The following SLC16A9 variants were observed in gnomAD, a reference collection of about 807,000 sequenced individuals.
The protein encoded by SLC16A9 is solute carrier family 16 member 9.
In SLC16A9, 26 loss-of-function variants were observed where a neutral mutation model predicts 44.3. That is an observed-to-expected ratio of 0.59 (90% CI 0.43 to 0.81). SLC16A9 has a LOEUF of 0.81. Among genes scored for constraint, SLC16A9 ranks in the 40% least tolerant of loss-of-function variants. SLC16A9 has a pLI of 0.00. For synonymous variants in SLC16A9, 230 were observed against 225.1 expected, an observed-to-expected ratio of 1.02 and a Z score of -0.19; for missense variants, 559 against 595.8, an observed-to-expected ratio of 0.94 and a Z score of 0.64.
At chr10:59,690,382 G>A (rs1441282321) in intron 1 of SLC16A9, among the ~76,000 whole-genome samples, 1 of 152,156 alleles carries the variant, frequency 6.6e-6, no homozygotes, top group Non-Finnish European at 1.5e-5. Flanking sequence ...GGAAAGGTAT[G>A]TGCAAAAGAG....
In SLC16A9 at chr10:59,654,378, T is replaced by A; in HGVS notation, c.648A>T (p.Glu216Asp). Residue 216 changes from glutamate (E) to aspartate (D), a missense_variant, in exon 5 of 6, where the codon GAA becomes GAT. Coordinates refer to ENST00000395348, the MANE Select transcript of SLC16A9 (RefSeq NM_194298.3). Reference sequence around the variant, plus strand: ...TGTTTTCTTCCAGATTCTTTCCTTTTTCATTGTAAATGGAGTATTTATCTG... The same window carrying A: ...TGTTTTCTTCCAGATTCTTTCCTTTATCATTGTAAATGGAGTATTTATCTG... ...DLPDKYSIYN[E>D]KGKNLEENIN... 1 of 1,613,936 alleles carries A rather than the reference T, an allele frequency of 6.2e-7. No individual in the cohort carries two copies. Among genetic ancestry groups the A allele is most frequent in the South Asian group, 1.1e-5 (1 of 91,076 alleles).
At chr10:59,663,057 A>G (rs1397111699) in intron 4 of SLC16A9, among the ~76,000 whole-genome samples, 1 of 152,180 alleles carries the variant, frequency 6.6e-6, no homozygotes, top group Non-Finnish European at 1.5e-5. Flanking sequence ...TAGACTGGAT[A>G]AAGAAAATGT....
chr10:59,698,733 T>TC (rs1491496729), intron 1 of SLC16A9, among the ~76,000 whole-genome samples: 1 of 143,362 alleles, frequency 7.0e-6, no homozygotes, highest in African/African-American at 2.6e-5. Context: ...TTTGTCTCTC[T>TC]TTTTTTTTTT....
At chr10:59,675,155 G>A (rs1462114366) in intron 2 of SLC16A9, among the ~76,000 whole-genome samples, 1 of 152,124 alleles carries the variant, frequency 6.6e-6, no homozygotes, top group Admixed American at 6.5e-5. Flanking sequence ...AAATTTTAGA[G>A]CTGAAATTTT....
chr10:59,677,986 C>T (rs1282692452), intron 2 of SLC16A9, among the ~76,000 whole-genome samples: 2 of 151,774 alleles, frequency 1.3e-5, no homozygotes, highest in East Asian at 3.9e-4. Flanking sequence ...GCTGCACCCA[C>T]TAACTCGCCC....
At position 59,654,410 on chromosome 10, in the gene SLC16A9, C is replaced by A. The variant is rs1178835481; in HGVS notation, c.616G>T (p.Asp206Tyr). 6 of 1,613,512 alleles carry A rather than the reference C, an allele frequency of 3.7e-6. No homozygotes were observed. The highest frequency in any genetic ancestry group is 5.1e-6 in the Non-Finnish European group (6 of 1,180,036). The change falls in exon 5 of 6, where the codon GAT (aspartate) becomes TAT (tyrosine). Residue 206 changes from aspartate to tyrosine, a missense_variant. Physicochemically the swap from Asp to Tyr is radical, Grantham distance 160. Coordinates refer to ENST00000395348, the MANE Select transcript of SLC16A9 (RefSeq NM_194298.3). ...CPLPKKIAPE[D>Y]LPDKYSIYNE... is the part of the protein sequence containing the mutation. ...TAAATGGAGTATTTATCTGGTAGAT[C>A]TTCTGGAGCTATTTTTTTAGGCAAA...
intron 1 of SLC16A9, among the ~76,000 whole-genome samples, chr10:59,689,070 A>T (rs1390857836): frequency 6.6e-6 from 1 of 152,196 alleles, no homozygotes; most frequent in African/African-American, 2.4e-5. Context: ...CCTTGGAAAT[A>T]CAAAGTTCCC....
chr10:59,678,540 C>CTTTGTCTTTTTTT (rs1839910606), intron 2 of SLC16A9, among the ~76,000 whole-genome samples: 1 of 22,332 alleles, frequency 4.5e-5, no homozygotes, highest in African/African-American at 9.7e-5. Flanking sequence ...TTTTCTTTTT[C>CTTTGTCTTTTTTT]TTTTTCTTTT....
chr10:59,670,098 C>A (rs966713803), intron 3 of SLC16A9, among the ~76,000 whole-genome samples: 4 of 152,154 alleles, frequency 2.6e-5, no homozygotes, highest in Admixed American at 1.3e-4. Context: ...TATTTTTAAA[C>A]CTCTTACACA....
At chr10:59,683,133 A>T (rs1188432650) in intron 2 of SLC16A9, among the ~76,000 whole-genome samples, 1 of 152,136 alleles carries the variant, frequency 6.6e-6, no homozygotes, top group African/African-American at 2.4e-5. Flanking sequence ...TAATGTCCTT[A>T]TTTTCCCCAT....
In SLC16A9 at chr10:59,654,049, A is replaced by C. The variant is rs779489677; in HGVS notation, c.977T>G (p.Leu326Arg). The C allele has an allele frequency of 1.9e-6, 3 of 1,614,078 alleles. No individual in the cohort carries two copies. Among genetic ancestry groups the C allele is most frequent in the Non-Finnish European group, 2.5e-6 (3 of 1,180,030 alleles). ...FDIGGFPPSL[L>R]MEDVARSSNV... ...TGAACTTCTTGCTACATCTTCCATAAGTAATGAAGGTGGAAACCCTCCGAT... is the reference window on the plus strand; with the variant it reads ...TGAACTTCTTGCTACATCTTCCATACGTAATGAAGGTGGAAACCCTCCGAT... The change falls in exon 5 of 6, where the codon CTT becomes CGT. Residue 326 changes from leucine (L) to arginine (R), a missense_variant. Transcript: ENST00000395348.
At position 59,672,773 on chromosome 10, in the gene SLC16A9, C is replaced by T. The variant is rs138740971; in HGVS notation, c.337G>A (p.Val113Ile). The change falls in exon 3 of 6, where the codon GTA (valine) becomes ATA (isoleucine). Residue 113 changes from valine to isoleucine, a missense_variant. Transcript: ENST00000395348. ...TCATAGTGACGAGGTTCCTTACCTA[C>T]AACAATGCCATAGGAAAAAAACAGA... Reference protein sequence around the residue: ...YFLFFSYGIVVGLGCGLLYTA... With the variant: ...YFLFFSYGIVIGLGCGLLYTA... 1 of 1,612,374 alleles carries T rather than the reference C, an allele frequency of 6.2e-7. No homozygotes were observed. Among genetic ancestry groups the T allele is most frequent in the East Asian group, 2.2e-5 (1 of 44,852 alleles).
intron 4 of SLC16A9, among the ~76,000 whole-genome samples, chr10:59,660,087 A>G (rs1839436773): frequency 6.6e-6 from 1 of 152,182 alleles, no homozygotes; most frequent in Non-Finnish European, 1.5e-5. Flanking sequence ...CTCAATTTAA[A>G]GAACTGGAGA....
rs190140699 is a variant in SLC16A9 at position 59,703,444 on chromosome 10, C to G, written c.-37+6035G>C. Among the ~76,000 whole-genome samples the G allele has an allele frequency of 2.0e-5, 3 of 152,254 alleles. No individual in the cohort carries two copies. In the East Asian group the frequency reaches 5.8e-4, roughly 29 times the overall value. On this transcript the variant is annotated intron_variant, in intron 1 of 5. Coordinates refer to ENST00000395348, the MANE Select transcript of SLC16A9 (RefSeq NM_194298.3). ...TGAAAAAAGGATATTTTTTAATCTT[C>G]GAGGCCTTGTAGATTTTTTATAGTC...
intron 2 of SLC16A9, among the ~76,000 whole-genome samples, chr10:59,677,524 A>G (rs1471195028): frequency 6.6e-6 from 1 of 152,232 alleles, no homozygotes; most frequent in East Asian, 1.9e-4. Flanking sequence ...AAAAGGACAC[A>G]GAGAAATCAA....
intron 4 of SLC16A9, among the ~76,000 whole-genome samples, chr10:59,662,337 T>C (rs2132420531): frequency 6.6e-6 from 1 of 151,162 alleles, no homozygotes; most frequent in African/African-American, 2.4e-5. Flanking sequence ...AACAGACACT[T>C]TTCAAAAGAA....
intron 2 of SLC16A9, among the ~76,000 whole-genome samples, chr10:59,683,796 C>A (rs1239750971): frequency 6.6e-6 from 1 of 152,214 alleles, no homozygotes; most frequent in Non-Finnish European, 1.5e-5. Flanking sequence ...CTCTTAAGGG[C>A]AGGAACCATG....
At position 59,652,292 on chromosome 10, in the gene SLC16A9, C is replaced by T. The variant is rs1839220966; in HGVS notation, c.*480G>A. On this transcript the variant is annotated 3_prime_UTR_variant, in exon 6 of 6. Transcript: ENST00000395348. ...GTCGCCACTTTAATTTCCTGGCTGG[C>T]TTGAAGTCTTCTGTTTACTAGCAAG... is the stretch of plus-strand genomic sequence containing the variant. 1 of 152,232 alleles carries T rather than the reference C, an allele frequency of 6.6e-6. No individual in the cohort carries two copies. The highest frequency in any genetic ancestry group is 6.5e-5 in the Admixed American group (1 of 15,276). The allele number at this position is 152,232 out of a possible 1,614,324, so 9.4% of individuals were successfully genotyped here.
intron 1 of SLC16A9, among the ~76,000 whole-genome samples, chr10:59,695,322 T>TTTAATAAATCTG (rs1840348830): frequency 6.6e-6 from 1 of 152,206 alleles, no homozygotes; most frequent in Non-Finnish European, 1.5e-5. Context: ...TAATTTATAA[T>TTTAATAAATCTG]TTAATAAATC....
Sources: allele counts gnomAD v4.1 joint callset (sites outside exome capture counted in the v4.1 genomes callset), GRCh38; gene constraint gnomAD v4.1.1; transcripts MANE v1.5; gene names NCBI Gene and HGNC (gene_info 2026-07-23, HGNC 2026-07-21).